The following EGFLAM variants were observed in gnomAD, a reference collection of about 807,000 sequenced individuals.
The protein encoded by EGFLAM is EGF like, fibronectin type III and laminin G domains.
EGFLAM carries 79 observed loss-of-function variants against 113.1 expected under a neutral mutation model. That is an observed-to-expected ratio of 0.70 (90% CI 0.58 to 0.84). EGFLAM has a LOEUF of 0.84. EGFLAM is among the 40% of genes least tolerant of loss of function. The pLI, the probability that EGFLAM is intolerant of heterozygous loss-of-function variation, is 0.00. For missense variants in EGFLAM, 1,265 were observed against 1,291.6 expected, an observed-to-expected ratio of 0.98 and a Z score of 0.32; for synonymous variants, 504 against 487.6, an observed-to-expected ratio of 1.03 and a Z score of -0.44.
At chr5:38,419,603 TG>T (rs1391801539) in intron 12 of EGFLAM, among the ~76,000 whole-genome samples, 15 of 152,344 alleles carry the variant, frequency 9.8e-5, no homozygotes, top group African/African-American at 3.6e-4. Flanking sequence ...AACAGTTTTT[TG>T]TTTTGTTTGT....
intron 21 of EGFLAM, 31 bp from the exon 22 acceptor site, chr5:38,463,801 C>T (rs1743370911): frequency 6.2e-7 from 1 of 1,607,924 alleles, no homozygotes; most frequent in Non-Finnish European, 8.5e-7. Flanking sequence ...TGTCCTTTGG[C>T]TCACCTCATC....
chr5:38,441,393 C>T lies in EGFLAM; in HGVS notation c.2464+2938C>T, dbSNP rs114467188. 5.8e-3 allele frequency among the ~76,000 whole-genome samples: 886 copies of T among 152,238 alleles called. 7 individuals are homozygous for T. Among genetic ancestry groups the T allele is most frequent in the African/African-American group, 0.019 (804 of 41,538 alleles). Reference sequence around the variant, plus strand: ...CCAATACCTAGGCCCCCTTTTTTCTCAACAAGGCCTTCCCCATCAAAAATT... The same window carrying T: ...CCAATACCTAGGCCCCCTTTTTTCTTAACAAGGCCTTCCCCATCAAAAATT... On this transcript the variant is annotated intron_variant, in intron 17 of 21. Transcript: ENST00000322350.
intron 1 of EGFLAM, chr5:38,290,531 G>C (rs1401975410): frequency 6.6e-6 from 1 of 152,134 alleles, no homozygotes; most frequent in Non-Finnish European, 1.5e-5. Flanking sequence ...TGTTCACCCT[G>C]ACCTCTTACT....
intron 1 of EGFLAM, among the ~76,000 whole-genome samples, chr5:38,309,711 C>T (rs868396388): frequency 1.3e-5 from 2 of 152,176 alleles, no homozygotes; most frequent in Non-Finnish European, 2.9e-5. Flanking sequence ...TGCAGCTCCC[C>T]GTGTGGCTGG....
At chr5:38,379,355 T>C (rs1467181570) in intron 6 of EGFLAM, among the ~76,000 whole-genome samples, 3 of 151,352 alleles carry the variant, frequency 2.0e-5, no homozygotes, top group Non-Finnish European at 2.9e-5. Flanking sequence ...ATCTAGAAGC[T>C]TATAGACAGG....
At chr5:38,440,808 A>G (rs1437623847) in intron 17 of EGFLAM, among the ~76,000 whole-genome samples, 1 of 152,238 alleles carries the variant, frequency 6.6e-6, no homozygotes, top group Non-Finnish European at 1.5e-5. Context: ...AACCAGCACC[A>G]GGGCTCATCC....
chr5:38,341,790 C>T (rs1270473790), intron 3 of EGFLAM, among the ~76,000 whole-genome samples: 1 of 152,096 alleles, frequency 6.6e-6, no homozygotes, highest in Non-Finnish European at 1.5e-5. Context: ...AGCACGATAC[C>T]TGGCAGAGAA....
At chr5:38,275,027 T>G (rs1038471896) in intron 1 of EGFLAM, among the ~76,000 whole-genome samples, 3 of 152,202 alleles carry the variant, frequency 2.0e-5, no homozygotes, top group African/African-American at 7.2e-5. Context: ...TAAAATAATC[T>G]GTTATAACTA....
At chr5:38,418,704 A>G (rs961366741) in intron 12 of EGFLAM, among the ~76,000 whole-genome samples, 1 of 152,218 alleles carries the variant, frequency 6.6e-6, no homozygotes, top group African/African-American at 2.4e-5. Context: ...ATCTTCTCAT[A>G]TGCTCTCTCA....
chr5:38,272,758 A>ATGTGTT (rs1554044399), intron 1 of EGFLAM, among the ~76,000 whole-genome samples: 3 of 150,632 alleles, frequency 2.0e-5, no homozygotes, highest in African/African-American at 7.3e-5. Flanking sequence ...AGGTGTGTGT[A>ATGTGTT]TGTGTGTGTG....
intron 19 of EGFLAM, among the ~76,000 whole-genome samples, chr5:38,455,384 C>T (rs187400680): frequency 1.3e-5 from 2 of 152,156 alleles, no homozygotes; most frequent in African/African-American, 4.8e-5. Flanking sequence ...ATTCTTATAT[C>T]TGTTTGTTTC....
At chr5:38,259,835 G>C (rs1757454191) in intron 1 of EGFLAM, among the ~76,000 whole-genome samples, 1 of 152,184 alleles carries the variant, frequency 6.6e-6, no homozygotes, top group African/African-American at 2.4e-5. Flanking sequence ...AAACGTTTCT[G>C]TAAGAAAGAG....
At chr5:38,381,589 T>C (rs1226755652) in intron 6 of EGFLAM, among the ~76,000 whole-genome samples, 1 of 152,196 alleles carries the variant, frequency 6.6e-6, no homozygotes, top group African/African-American at 2.4e-5. Flanking sequence ...TGCAACAGCT[T>C]AGTCATGTGC....
intron 17 of EGFLAM, among the ~76,000 whole-genome samples, chr5:38,441,978 C>G (rs1290359671): frequency 6.6e-6 from 1 of 152,154 alleles, no homozygotes; most frequent in South Asian, 2.1e-4. Flanking sequence ...CTAGGCCTAG[C>G]GCCTGTACTC....
chr5:38,442,431 T>G (rs1347207399), intron 17 of EGFLAM, among the ~76,000 whole-genome samples: 2 of 148,280 alleles, frequency 1.3e-5, no homozygotes, highest in Non-Finnish European at 3.0e-5. Context: ...TATTTTTAAT[T>G]TAATATATTA....
Position 38,407,052 on chromosome 5 carries a change from C to G in EGFLAM, c.1053C>G (p.Leu351=), listed in dbSNP as rs2112128210. The change falls in exon 8 of 22, where the codon CTC becomes CTG. Residue 351 remains leucine, a synonymous_variant. Transcript: ENST00000322350. Reference sequence around the variant, plus strand: ...TTGACATGCCTTGTGATGAAACTCTCTGCTCTGCTGACAGCTTCTGTGTCA... The same window carrying G: ...TTGACATGCCTTGTGATGAAACTCTGTGCTCTGCTGACAGCTTCTGTGTCA... The part of the protein sequence containing the change: ...RLFDMPCDET[L]CSADSFCVND... 6.2e-7 allele frequency: 1 copy of G among 1,614,198 alleles called. No individual in the cohort carries two copies.
In EGFLAM at chr5:38,418,156, C is replaced by G; in HGVS notation, c.1585C>G (p.Arg529Gly). The change falls in exon 12 of 22, where the codon CGA becomes GGA. Residue 529 changes from arginine to glycine, a missense_variant. By Grantham distance (125) the Arg-to-Gly change is moderately radical. Coordinates refer to ENST00000322350, the MANE Select transcript of EGFLAM (RefSeq NM_152403.4). ...GTTGGTTAGAGCAACAGGGACAAACCGAGGCTTTCAAGGCTGTGTGCAGTC... is the reference window on the plus strand; with the variant it reads ...GTTGGTTAGAGCAACAGGGACAAACGGAGGCTTTCAAGGCTGTGTGCAGTC... ...YWLVRATGTN[R>G]GFQGCVQSLA... The G allele has an allele frequency of 6.2e-7, 1 of 1,614,094 alleles. No individual in the cohort carries two copies. The highest frequency in any genetic ancestry group is 1.1e-5 in the South Asian group (1 of 91,062).
intron 20 of EGFLAM, among the ~76,000 whole-genome samples, 190 bp downstream of exon 20, chr5:38,458,584 G>A (rs1247315349): frequency 2.0e-5 from 3 of 152,172 alleles, no homozygotes; most frequent in East Asian, 3.8e-4. Context: ...TCAGGCCAGG[G>A]AAACTGAACC....
At chr5:38,315,362 C>T (rs1738564642) in intron 1 of EGFLAM, among the ~76,000 whole-genome samples, 1 of 152,152 alleles carries the variant, frequency 6.6e-6, no homozygotes, top group African/African-American at 2.4e-5. Flanking sequence ...CATATGTTTT[C>T]TCCTTATTGA....
Sources: gnomAD v4.1 joint callset for allele counts (sites outside exome capture counted in the v4.1 genomes callset) on GRCh38, gnomAD v4.1.1 for gene constraint, MANE v1.5 for transcripts, NCBI Gene and HGNC (gene_info 2026-07-23, HGNC 2026-07-21) for gene names.